The following NLGN1 variants were observed in gnomAD, a reference collection of about 807,000 sequenced individuals.
NLGN1 encodes neuroligin 1.
NLGN1 carries 12 observed loss-of-function variants against 65.5 expected under a neutral mutation model. The observed-to-expected ratio is 0.18, with a 90% confidence interval of 0.12 to 0.30. NLGN1 has a LOEUF of 0.30. NLGN1 is among the 10% of genes least tolerant of loss of function. The pLI, the probability that NLGN1 is intolerant of heterozygous loss-of-function variation, is 1.00. For synonymous variants in NLGN1, 350 were observed against 359.5 expected (o/e 0.97, Z 0.30); for missense variants, 750 against 1,007.1 (o/e 0.74, Z 3.46).
chr3:173,854,362 T>A (rs1312431801), intron 4 of NLGN1, among the ~76,000 whole-genome samples: 1 of 152,050 alleles, frequency 6.6e-6, no homozygotes, highest in East Asian at 1.9e-4. Context: ...TCTGATTTTT[T>A]TTTTACTTTG....
intron 4 of NLGN1, among the ~76,000 whole-genome samples, chr3:174,049,264 A>G (rs909477131): frequency 3.9e-5 from 6 of 152,120 alleles, no homozygotes; most frequent in African/African-American, 1.4e-4. Context: ...AGTTAAGTTG[A>G]GACTCAATAA....
chr3:173,539,725 C>CACATATATACAAATATGT (rs1738341543), intron 2 of NLGN1, among the ~76,000 whole-genome samples: 1 of 120,874 alleles, frequency 8.3e-6, no homozygotes, highest in Non-Finnish European at 1.7e-5. Context: ...TGTACATATG[C>CACATATATACAAATATGT]ACATATATAC....
rs147680075 is a variant in NLGN1, at chr3:173,703,253, C to A, written c.493+98162C>A. Among the ~76,000 whole-genome samples, 5 of 152,208 alleles carry A rather than the reference C, an allele frequency of 3.3e-5. No individual in the cohort carries two copies. The East Asian group carries it at 7.7e-4, about 23-fold the overall frequency. ...TACAAAGCTATGTGAAAGAACAAAT[C>A]TTTTCTACTTAAAAGAGGCATGGCA... On this transcript the variant is annotated intron_variant, in intron 3 of 6. Transcript: ENST00000457714.
intron 4 of NLGN1, among the ~76,000 whole-genome samples, chr3:174,253,861 A>C (rs1202526791): frequency 6.6e-6 from 1 of 152,148 alleles, no homozygotes; most frequent in African/African-American, 2.4e-5. Flanking sequence ...AAATTTCTCT[A>C]ACTGAAGGCC....
At chr3:174,252,261 T>C (rs1357896209) in intron 4 of NLGN1, among the ~76,000 whole-genome samples, 1 of 152,154 alleles carries the variant, frequency 6.6e-6, no homozygotes, top group Non-Finnish European at 1.5e-5. Flanking sequence ...AAATGTAGTC[T>C]GGAGGAAAGG....
intron 4 of NLGN1, among the ~76,000 whole-genome samples, chr3:174,124,832 A>C (rs930276702): frequency 6.6e-6 from 1 of 151,960 alleles, no homozygotes; most frequent in Non-Finnish European, 1.5e-5. Flanking sequence ...GCATGTAACA[A>C]AAGGACCAAA....
At chr3:173,989,164 G>A (rs993504800) in intron 4 of NLGN1, among the ~76,000 whole-genome samples, 5 of 152,122 alleles carry the variant, frequency 3.3e-5, no homozygotes, top group African/African-American at 9.7e-5. Flanking sequence ...CTCTGAATGA[G>A]AAACCTGACA....
intron 4 of NLGN1, among the ~76,000 whole-genome samples, chr3:174,003,438 T>C (rs1192621578): frequency 6.6e-6 from 1 of 152,134 alleles, no homozygotes; most frequent in Non-Finnish European, 1.5e-5. Flanking sequence ...CTAAAATACG[T>C]AGGTGTATTG....
intron 4 of NLGN1, among the ~76,000 whole-genome samples, chr3:174,053,626 G>A (rs1283309874): frequency 6.6e-6 from 1 of 151,960 alleles, no homozygotes; most frequent in Non-Finnish European, 1.5e-5. Flanking sequence ...CTAGGTGCTA[G>A]CATTGAACAG....
At chr3:174,139,217 A>G (rs1721842472) in intron 4 of NLGN1, among the ~76,000 whole-genome samples, 1 of 152,142 alleles carries the variant, frequency 6.6e-6, no homozygotes, top group Non-Finnish European at 1.5e-5. Flanking sequence ...ACACCATTGT[A>G]GTATCATACA....
chr3:173,629,093 CT>C (rs946510201), intron 3 of NLGN1, among the ~76,000 whole-genome samples: 413 of 144,780 alleles, frequency 2.9e-3, no homozygotes, highest in East Asian at 6.2e-3. Context: ...TCATCCTTTC[CT>C]TTTTTTTTTT....
chr3:173,784,659 A>G (rs1781677177), intron 3 of NLGN1, among the ~76,000 whole-genome samples: 1 of 152,138 alleles, frequency 6.6e-6, no homozygotes, highest in Non-Finnish European at 1.5e-5. Flanking sequence ...CAGAAACCCA[A>G]AGTCAGAGAC....
rs1743979905 is a variant in NLGN1, at chr3:173,930,968, A to T, written c.646+123136A>T. ...CCTCACTCACAGTCTTTTTAAGAAA[A>T]GAGAGTGTGTGTATATTTAGAAGTA... is the stretch of plus-strand genomic sequence containing the variant. On this transcript the variant is annotated intron_variant, in intron 4 of 6. Coordinates refer to ENST00000457714, the Ensembl canonical transcript of NLGN1. Among the ~76,000 whole-genome samples, 3 of 152,216 alleles carry T rather than the reference A, an allele frequency of 2.0e-5. No homozygotes were observed. The South Asian group carries it at 6.2e-4, about 31-fold the overall frequency.
intron 3 of NLGN1, among the ~76,000 whole-genome samples, chr3:173,729,410 G>C (rs2150046002): frequency 6.6e-6 from 1 of 152,040 alleles, no homozygotes; most frequent in East Asian, 1.9e-4. Flanking sequence ...ACTTCATTTT[G>C]TTTCCATCTA....
At chr3:173,648,359 A>G (rs1380270048) in intron 3 of NLGN1, among the ~76,000 whole-genome samples, 1 of 152,216 alleles carries the variant, frequency 6.6e-6, no homozygotes, top group Non-Finnish European at 1.5e-5. Context: ...ATGCTTCACC[A>G]AAGGAGATAA....
intron 2 of NLGN1, among the ~76,000 whole-genome samples, chr3:173,474,236 A>G (rs1725808712): frequency 2.0e-5 from 3 of 151,942 alleles, no homozygotes; most frequent in African/African-American, 7.3e-5. Flanking sequence ...TCCTCAGACC[A>G]CTCTGAACTA....
chr3:173,526,724 T>A (rs1289566727), intron 2 of NLGN1, among the ~76,000 whole-genome samples: 2 of 152,184 alleles, frequency 1.3e-5, no homozygotes, highest in Non-Finnish European at 2.9e-5. Context: ...TTTTTGTACC[T>A]ATTAAATATG....
chr3:174,150,645 C>G (rs1055174287), intron 4 of NLGN1, among the ~76,000 whole-genome samples: 11 of 152,076 alleles, frequency 7.2e-5, no homozygotes, highest in African/African-American at 2.4e-4. Flanking sequence ...ACTGAAGTCT[C>G]TTATCTGATC....
chr3:173,533,664 C>A (rs528737348), intron 2 of NLGN1, among the ~76,000 whole-genome samples: 1 of 151,964 alleles, frequency 6.6e-6, no homozygotes, highest in Non-Finnish European at 1.5e-5. Flanking sequence ...GATACAATTA[C>A]GTATAGAAGC....
Sources: gnomAD v4.1 joint callset for allele counts (sites outside exome capture counted in the v4.1 genomes callset) on GRCh38, gnomAD v4.1.1 for gene constraint, MANE v1.5 for transcripts, NCBI Gene and HGNC (gene_info 2026-07-23, HGNC 2026-07-21) for gene names.